The following MYH15 variants were observed in gnomAD, a reference collection of about 807,000 sequenced individuals.
The protein encoded by MYH15 is myosin heavy chain 15, also known as myosin-15.
Under a neutral mutation model 240.5 loss-of-function variants are expected in MYH15, and 227 were observed. That is an observed-to-expected ratio of 0.94 (90% CI 0.85 to 1.05). The LOEUF is 1.05. Ranked by LOEUF, MYH15 falls within the 50% of genes least tolerant of loss-of-function variation. MYH15 has a pLI of 0.00. For synonymous variants in MYH15, 785 were observed against 796.7 expected (o/e 0.99, Z 0.25); for missense variants, 2,217 against 2,247.5 (o/e 0.99, Z 0.27).
At chr3:108,510,628 A>G (rs931574092), upstream of MYH15, 3 of 1,579,598 alleles carry the variant, frequency 1.9e-6, no homozygotes, top group African/African-American at 4.1e-5. Context: ...AAAAGTGGAA[A>G]TAAGGCATCA....
rs367795542 is a variant in MYH15, at chr3:108,410,795, C to T, written c.4283G>A (p.Arg1428His). ...GDALSDLGKV[R>H]SAAARLDQKQ... ...CTGGTCCAGCCTGGCTGCTGCAGAG[C>T]GGACCTTCCCGAGGTCAGACAGGGC... is the stretch of plus-strand genomic sequence containing the variant. The change falls in exon 31 of 41, where the codon CGC becomes CAC. Residue 1428 changes from arginine (R) to histidine (H), a missense_variant. Arg to His is a conservative substitution (Grantham distance 29). Coordinates refer to ENST00000693548, the MANE Select transcript of MYH15 (RefSeq NM_014981.3). 59 of 1,613,998 alleles carry T rather than the reference C, an allele frequency of 3.7e-5. No homozygotes were observed. Among genetic ancestry groups the T allele is most frequent in the Middle Eastern group, 1.6e-4 (1 of 6,084 alleles).
chr3:108,476,548 A>G lies in MYH15; in HGVS notation c.1115-33T>C. 3.6e-6 allele frequency: 5 copies of G among 1,371,792 alleles called. No individual in the cohort carries two copies. The Middle Eastern group carries it at 8.9e-4, about 244-fold the overall frequency. 85.0% of individuals were successfully genotyped at this position (1,371,792 alleles called of 1,614,324 possible). A position where few individuals can be genotyped will look rare whatever the true frequency, so the allele number is the denominator to read the frequency against. On this transcript the variant is annotated intron_variant, in intron 11 of 40. Coordinates refer to ENST00000693548, the MANE Select transcript of MYH15 (RefSeq NM_014981.3). ...TCAGAAATAGAAGAAAAGGAAGGAG[A>G]GAGGAAAACACTGTTAAGATTCATT...
At chr3:108,409,950 T>C (rs891140877) in intron 31 of MYH15, among the ~76,000 whole-genome samples, 3 of 152,238 alleles carry the variant, frequency 2.0e-5, no homozygotes, top group African/African-American at 7.2e-5. Flanking sequence ...TAGGTCTCCA[T>C]GTACAGGCAT....
intron 21 of MYH15, among the ~76,000 whole-genome samples, chr3:108,449,239 G>A (rs1289213865): frequency 6.6e-6 from 1 of 151,682 alleles, no homozygotes; most frequent in East Asian, 1.9e-4. Context: ...TACAGAACTA[G>A]GAAAAATTCC....
chr3:108,409,368 A>C (rs1045202073), intron 31 of MYH15, among the ~76,000 whole-genome samples: 19 of 152,210 alleles, frequency 1.2e-4, no homozygotes, highest in Non-Finnish European at 5.9e-5. Flanking sequence ...ACCCCGCCCC[A>C]GTCCAAAGGT....
rs147409396 is a variant in MYH15 at position 108,410,707 on chromosome 3, C to T, written c.4371G>A (p.Ala1457=). Residue 1457 remains alanine, a synonymous_variant, in exon 31 of 41, where the codon GCG becomes GCA. Transcript: ENST00000693548. ...DWKQKHEESQ[A]LLDASQKEVQ... ...CTTCCTTCTGAGAGGCATCCAGCAA[C>T]GCCTGGGACTCCTCGTGCTTCTGCT... 459 of 1,614,190 alleles carry T rather than the reference C, an allele frequency of 2.8e-4. 1 individual carries two copies. Among genetic ancestry groups the T allele is most frequent in the East Asian group, 2.5e-3 (110 of 44,874 alleles).
chr3:108,531,156 G>T (rs9847346), upstream of MYH15, among the ~76,000 whole-genome samples: 2,914 of 152,264 alleles, frequency 0.019, 104 homozygotes, highest in African/African-American at 0.067. Flanking sequence ...AAAGATTTCA[G>T]GCAGGTGGTA....
At chr3:108,530,678 G>A (rs1162744995), upstream of MYH15, among the ~76,000 whole-genome samples, 1 of 152,092 alleles carries the variant, frequency 6.6e-6, no homozygotes, top group Non-Finnish European at 1.5e-5. Flanking sequence ...TAGGGACAGG[G>A]GATATATGGA....
chr3:108,405,564 A>T lies in MYH15; in HGVS notation c.4621-111T>A, dbSNP rs1560325179. ...AGCTCTCTTAGAGTTACTGGGAGAG[A>T]TATAGGTTCAAGCCAGGTCCCTAGA... On this transcript the variant is annotated intron_variant, in intron 32 of 40. Coordinates refer to ENST00000693548, the MANE Select transcript of MYH15 (RefSeq NM_014981.3). 7.4e-6 allele frequency: 4 copies of T among 541,078 alleles called. No individual in the cohort carries two copies. In the South Asian group the frequency reaches 2.4e-4, roughly 32 times the overall value. 33.5% of individuals were successfully genotyped at this position (541,078 alleles called of 1,614,324 possible).
intron 1 of MYH15, among the ~76,000 whole-genome samples, chr3:108,527,424 C>G (rs771349594): frequency 5.3e-5 from 8 of 152,118 alleles, no homozygotes; most frequent in Non-Finnish European, 1.0e-4. Flanking sequence ...CTTTTCAGGT[C>G]TGCCTAAAAA....
At chr3:108,462,986 G>T in intron 16 of MYH15, 125 bp downstream of exon 16, 1 of 1,074,830 alleles carries the variant, frequency 9.3e-7, no homozygotes, top group Non-Finnish European at 1.3e-6. Context: ...CTAATAAGAG[G>T]GGACGACTCA....
chr3:108,412,169 A>G (rs2082599376), intron 30 of MYH15, among the ~76,000 whole-genome samples: 1 of 152,156 alleles, frequency 6.6e-6, no homozygotes, highest in African/African-American at 2.4e-5. Context: ...TCCCCACCAA[A>G]ATCTCATCTT....
rs777612139 is a variant in MYH15, at chr3:108,391,795, C to T, written c.5395G>A (p.Gly1799Arg). 1.2e-6 allele frequency: 2 copies of T among 1,613,926 alleles called. No individual in the cohort carries two copies. The highest frequency in any genetic ancestry group is 1.3e-5 in the African/African-American group (1 of 74,918). ...LAEAEQMALMGSRKQIQKLES... is the reference protein window; with the variant it reads ...LAEAEQMALMRSRKQIQKLES... Reference sequence around the variant, plus strand: ...AGTTTCTGGATTTGCTTTCTACTCCCCATCAGGGCCATCTGTTCAGCTTCA... The same window carrying T: ...AGTTTCTGGATTTGCTTTCTACTCCTCATCAGGGCCATCTGTTCAGCTTCA... The change falls in exon 37 of 41, where the codon GGG (glycine) becomes AGG (arginine). Residue 1799 changes from glycine (G) to arginine (R), a missense_variant. Transcript: ENST00000693548.
At chr3:108,548,399 A>G in the MYH15 span, among the ~76,000 whole-genome samples, 1 of 152,158 alleles carries the variant, frequency 6.6e-6, no homozygotes, top group Non-Finnish European at 1.5e-5. Context: ...ACATTTCTTA[A>G]TAAGTAAATG....
At chr3:108,542,063 T>C in the MYH15 span, among the ~76,000 whole-genome samples, 1 of 152,144 alleles carries the variant, frequency 6.6e-6, no homozygotes. Context: ...ATAACTGTCA[T>C]GTATCATCCT....
intron 28 of MYH15, among the ~76,000 whole-genome samples, chr3:108,417,792 TATATACAC>T (rs2082646038): frequency 1.2e-5 from 1 of 86,590 alleles, no homozygotes. Context: ...TATGTATATA[TATATACAC>T]ACACACACAC....
chr3:108,490,469 G>A (rs1007260364), intron 9 of MYH15, among the ~76,000 whole-genome samples: 4 of 152,194 alleles, frequency 2.6e-5, no homozygotes, highest in Admixed American at 1.3e-4. Context: ...TCAAATCAGC[G>A]TGTAGTTCTC....
rs770086215 is a variant in MYH15, at chr3:108,394,197, G to T, written c.5134-41C>A. The T allele has an allele frequency of 8.1e-6, 13 of 1,611,726 alleles. No individual in the cohort carries two copies. The South Asian group carries it at 1.4e-4, about 18-fold the overall frequency. On this transcript the variant is annotated intron_variant, in intron 35 of 40. Coordinates refer to ENST00000693548, the MANE Select transcript of MYH15 (RefSeq NM_014981.3). ...ATTCCTATTAGGCAAGTAAAAACCA[G>T]CAATGCAAATGCAAGCTGGTCTGTT... is the stretch of plus-strand genomic sequence containing the variant.
chr3:108,381,053 G>C lies in MYH15; in HGVS notation c.*492C>G, dbSNP rs1276139750. On this transcript the variant is annotated 3_prime_UTR_variant, in exon 41 of 41. Transcript: ENST00000693548. The stretch of plus-strand genomic sequence containing the variant: ...ACTATAGCTATATTTATATCACAAT[G>C]CTGAGGAGATCTTATGACTTCCATT... 6.0e-6 allele frequency: 1 copy of C among 166,242 alleles called. No individual in the cohort carries two copies. Among genetic ancestry groups the C allele is most frequent in the East Asian group, 1.7e-4 (1 of 6,026 alleles). 10.3% of individuals were successfully genotyped at this position (166,242 alleles called of 1,614,324 possible). A position where few individuals can be genotyped will look rare whatever the true frequency, so the allele number is the denominator to read the frequency against.
Sources: gnomAD v4.1 joint callset for allele counts (sites outside exome capture counted in the v4.1 genomes callset) on GRCh38, gnomAD v4.1.1 for gene constraint, MANE v1.5 for transcripts, NCBI Gene and HGNC (gene_info 2026-07-23, HGNC 2026-07-21) for gene names.